The following CD86 variants were observed in gnomAD, a reference collection of about 807,000 sequenced individuals.
CD86 encodes CD86 molecule.
CD86 carries 11 observed loss-of-function variants against 32.1 expected under a neutral mutation model. The observed-to-expected ratio is 0.34, with a 90% CI of 0.22 to 0.57. The LOEUF is 0.57. CD86 is among the 20% of genes least tolerant of loss of function. The pLI is 0.86. For missense variants in CD86, 359 were observed against 398.4 expected, an observed-to-expected ratio of 0.90 and a Z score of 0.84; for synonymous variants, 137 against 135.3, an observed-to-expected ratio of 1.01 and a Z score of -0.09.
chr3:122,079,885 C>T (rs2072607095), intron 1 of CD86, among the ~76,000 whole-genome samples: 1 of 152,116 alleles, frequency 6.6e-6, no homozygotes, highest in Admixed American at 6.6e-5. Flanking sequence ...GTTCCATGTC[C>T]TTTTTAGATA....
chr3:122,119,337 T>C (rs2073305880), intron 6 of CD86, 101 bp from the exon 7 acceptor site: 1 of 731,134 alleles, frequency 1.4e-6, no homozygotes, highest in Non-Finnish European at 2.4e-6. Flanking sequence ...TCCTCATTGC[T>C]GTTCCAATGG....
At chr3:122,112,862 T>A (rs1329977651) in intron 5 of CD86, among the ~76,000 whole-genome samples, 1 of 152,160 alleles carries the variant, frequency 6.6e-6, no homozygotes, top group East Asian at 1.9e-4. Flanking sequence ...ATTTGAATAG[T>A]TTTTTGGGAA....
chr3:122,056,913 G>A (rs982315739), intron 1 of CD86, among the ~76,000 whole-genome samples: 6 of 152,166 alleles, frequency 3.9e-5, no homozygotes, highest in African/African-American at 1.4e-4. Flanking sequence ...ATAGGCTGCT[G>A]TCTATATTGA....
chr3:122,086,614 C>T, intron 1 of CD86: 1 of 478,732 alleles, frequency 2.1e-6, no homozygotes, highest in Non-Finnish European at 4.2e-6. Flanking sequence ...GGTGCCTGTC[C>T]AGGTTAAAGT....
At chr3:122,104,486 ATTTT>A (rs1008653326) in intron 3 of CD86, among the ~76,000 whole-genome samples, 4 of 151,504 alleles carry the variant, frequency 2.6e-5, no homozygotes, top group Admixed American at 1.3e-4. Context: ...CAGTAAAATT[ATTTT>A]TTTTTGTTTT....
At chr3:122,086,539 TC>T in intron 1 of CD86, 1 of 463,546 alleles carries the variant, frequency 2.2e-6, no homozygotes, top group Non-Finnish European at 4.3e-6. Context: ...CCAGAGCTCT[TC>T]TAGATATGGC....
In CD86 at chr3:122,103,660, C is replaced by T; in HGVS notation, c.213C>T (p.Gly71=). ...ENLVLNEVYL[G]KEKFDSVHSK... ...TGGTTCTGAATGAGGTATACTTAGGCAAAGAGAAATTTGACAGTGTTCATT... is the reference window on the plus strand; with the variant it reads ...TGGTTCTGAATGAGGTATACTTAGGTAAAGAGAAATTTGACAGTGTTCATT... The change falls in exon 3 of 7, where the codon GGC becomes GGT. Residue 71 remains glycine (G), a synonymous_variant. Transcript: ENST00000330540. 1.2e-6 allele frequency: 2 copies of T among 1,614,020 alleles called. No homozygotes were observed. Among genetic ancestry groups the T allele is most frequent in the Non-Finnish European group, 1.7e-6 (2 of 1,179,938 alleles).
At chr3:122,115,937 A>T (rs2073244010) in intron 5 of CD86, among the ~76,000 whole-genome samples, 1 of 152,110 alleles carries the variant, frequency 6.6e-6, no homozygotes, top group African/African-American at 2.4e-5. Flanking sequence ...TGCAGAAAGG[A>T]TAGTATTTTC....
intron 1 of CD86, among the ~76,000 whole-genome samples, chr3:122,057,125 G>A (rs1287452573): frequency 6.6e-6 from 1 of 152,160 alleles, no homozygotes; most frequent in African/African-American, 2.4e-5. Context: ...TGCTAAGAAG[G>A]GAGGATTATT....
At chr3:122,098,503 G>A (rs2072944493) in intron 2 of CD86, among the ~76,000 whole-genome samples, 1 of 152,150 alleles carries the variant, frequency 6.6e-6, no homozygotes. Flanking sequence ...GGTCTTGTAA[G>A]GCCAGGGGAA....
At chr3:122,058,465 G>A (rs548209440) in intron 1 of CD86, among the ~76,000 whole-genome samples, 16 of 152,194 alleles carry the variant, frequency 1.1e-4, no homozygotes, top group Non-Finnish European at 1.9e-4. Flanking sequence ...GAGAGCAGAT[G>A]ACTCAGAGCT....
chr3:122,104,485 TA>T (rs2073060535), intron 3 of CD86, among the ~76,000 whole-genome samples: 1 of 152,150 alleles, frequency 6.6e-6, no homozygotes, highest in Non-Finnish European at 1.5e-5. Context: ...ACAGTAAAAT[TA>T]TTTTTTTTTG....
intron 5 of CD86, among the ~76,000 whole-genome samples, chr3:122,110,174 T>A (rs2255017): frequency 0.9 from 136,783 of 152,294 alleles, 61,751 homozygotes; most frequent in East Asian, 1. Flanking sequence ...GCATCATTTT[T>A]AATGGCTGCA....
rs553690974 is a variant in CD86 at position 122,100,297 on chromosome 3, C to T, written c.65-3215C>T. 2.6e-5 allele frequency among the ~76,000 whole-genome samples: 4 copies of T among 152,258 alleles called. No homozygotes were observed. In the East Asian group the frequency reaches 7.7e-4, roughly 29 times the overall value. On this transcript the variant is annotated intron_variant, in intron 2 of 6. Transcript: ENST00000330540. ...CACCTCAAAAGGGGAAGGTGTTGCTCAAAGTCCCCACAAAGTGTGATAAAA... is the reference window on the plus strand; with the variant it reads ...CACCTCAAAAGGGGAAGGTGTTGCTTAAAGTCCCCACAAAGTGTGATAAAA...
intron 5 of CD86, among the ~76,000 whole-genome samples, chr3:122,117,044 G>T (rs1262592953): frequency 6.6e-6 from 1 of 152,100 alleles, no homozygotes; most frequent in Non-Finnish European, 1.5e-5. Flanking sequence ...CCATAAAGCT[G>T]ATTGTTTTTA....
At chr3:122,084,456 T>C (rs970302153) in intron 1 of CD86, among the ~76,000 whole-genome samples, 1 of 152,234 alleles carries the variant, frequency 6.6e-6, no homozygotes, top group East Asian at 1.9e-4. Context: ...TAATTTACAA[T>C]AGACATAGCA....
intron 2 of CD86, 46 bp downstream of exon 2, chr3:122,091,696 CTGA>C: frequency 6.7e-7 from 1 of 1,483,814 alleles, no homozygotes; most frequent in Non-Finnish European, 9.4e-7. Flanking sequence ...CTACTGTCTC[CTGA>C]TGAGTCTGAC....
chr3:122,112,352 C>T (rs994685169), intron 5 of CD86, among the ~76,000 whole-genome samples: 10 of 151,782 alleles, frequency 6.6e-5, no homozygotes, highest in African/African-American at 2.4e-4. Context: ...GAGCCTCACT[C>T]TGTCACCAGG....
rs76147548 is a variant in CD86, at chr3:122,100,533, T to A, written c.65-2979T>A. ...GAATTTTTTTTAGTACAGATAAGCA[T>A]AGGAACATAAAGAAGAGATAATTCT... is the stretch of plus-strand genomic sequence containing the variant. On this transcript the variant is annotated intron_variant, in intron 2 of 6. Transcript: ENST00000330540. 7.8e-3 allele frequency among the ~76,000 whole-genome samples: 1,192 copies of A among 152,244 alleles called. 40 individuals are homozygous for A. In the East Asian group the frequency reaches 0.11, roughly 14 times the overall value.
Sources: allele counts gnomAD v4.1 joint callset (sites outside exome capture counted in the v4.1 genomes callset), GRCh38; gene constraint gnomAD v4.1.1; transcripts MANE v1.5; gene names NCBI Gene and HGNC (gene_info 2026-07-23, HGNC 2026-07-21).